Variants in CAPN9 observed in about 807,000 individuals in gnomAD.
CAPN9 encodes calpain-9.
A neutral mutation model predicts 92.8 loss-of-function variants in CAPN9; 81 were observed. The ratio of observed to expected loss-of-function variants is 0.87; its 90% CI spans 0.73 to 1.05. The LOEUF is 1.05. Among genes scored for constraint, CAPN9 ranks in the 50% least tolerant of loss-of-function variants. The pLI is 0.00. For missense variants in CAPN9, 848 were observed against 866.2 expected, an observed-to-expected ratio of 0.98 and a Z score of 0.26; for synonymous variants, 304 against 328.0, an observed-to-expected ratio of 0.93 and a Z score of 0.79.
At chr1:230,775,833 C>T (rs970616542) in intron 8 of CAPN9, among the ~76,000 whole-genome samples, 3 of 150,626 alleles carry the variant, frequency 2.0e-5, no homozygotes, top group African/African-American at 7.3e-5. Flanking sequence ...AGGAGAATGG[C>T]GTGAACCCAG....
At chr1:230,769,037 G>A (rs1412176076) in intron 5 of CAPN9, 143 bp from the exon 6 acceptor site, 2 of 665,448 alleles carry the variant, frequency 3.0e-6, no homozygotes, top group Non-Finnish European at 5.3e-6. Context: ...GGAGCCCCGT[G>A]CATAGCCCAC....
intron 8 of CAPN9, among the ~76,000 whole-genome samples, chr1:230,775,374 G>A (rs901432947): frequency 3.9e-5 from 6 of 152,264 alleles, no homozygotes; most frequent in Admixed American, 1.3e-4. Context: ...TAAAGATATC[G>A]ACCTACGTAG....
intron 19 of CAPN9, among the ~76,000 whole-genome samples, chr1:230,798,729 C>T (rs3790988): frequency 0.32 from 48,208 of 152,068 alleles, 8,036 homozygotes; most frequent in Non-Finnish European, 0.36. Flanking sequence ...AGAAGGATTC[C>T]AGGGGGTTTC....
At position 230,759,572 on chromosome 1, in the gene CAPN9, G is replaced by C; in HGVS notation, c.344G>C (p.Arg115Thr). The change falls in exon 3 of 20, where the codon AGA (arginine) becomes ACA (threonine). Residue 115 changes from arginine to threonine, a missense_variant. By Grantham distance (71) the Arg-to-Thr change is moderately conservative. Coordinates refer to ENST00000271971, the MANE Select transcript of CAPN9 (RefSeq NM_006615.3). ...SLTLNQKALARVIPQDQSFGP... is the reference protein window; with the variant it reads ...SLTLNQKALATVIPQDQSFGP... ...ACGCTTAATCAAAAAGCACTGGCCA[G>C]AGTCATCCCCCAGGACCAAAGCTTT... 1.9e-6 allele frequency: 3 copies of C among 1,611,306 alleles called. No individual in the cohort carries two copies. The highest frequency in any genetic ancestry group is 2.5e-6 in the Non-Finnish European group (3 of 1,179,064).
intron 11 of CAPN9, among the ~76,000 whole-genome samples, chr1:230,783,178 A>T (rs1055150319): frequency 6.6e-6 from 1 of 152,232 alleles, no homozygotes; most frequent in East Asian, 1.9e-4. Context: ...ATGCAACTGC[A>T]CTGTTTATGC....
intron 3 of CAPN9, among the ~76,000 whole-genome samples, 197 bp downstream of exon 3, chr1:230,759,827 CGGTGAATCCTTAT>C (rs1312646197): frequency 6.6e-6 from 1 of 152,312 alleles, no homozygotes; most frequent in Admixed American, 6.5e-5. Flanking sequence ...CGGCATTGCA[CGGTGAATCCTTAT>C]GGAGCATACA....
Position 230,772,141 on chromosome 1 carries a change from G to A in CAPN9, c.875+42G>A, listed in dbSNP as rs181303468. ...TGCCTCTCTGGCTGGTTCCCGGGGC[G>A]TGTGGGGCCAGAGCTGGCTTGTGCA... On this transcript the variant is annotated intron_variant, in intron 7 of 19. Transcript: ENST00000271971. 6.7e-5 allele frequency: 104 copies of A among 1,540,800 alleles called. 2 individuals are homozygous for A. The Admixed American group carries it at 9.0e-4, about 13-fold the overall frequency.
chr1:230,756,241 A>G (rs190073672), intron 2 of CAPN9, among the ~76,000 whole-genome samples: 23 of 152,176 alleles, frequency 1.5e-4, no homozygotes, highest in Admixed American at 1.4e-3. Context: ...AGCTATCCTA[A>G]ACACAAGATC....
At chr1:230,799,753 C>G (rs1668562141) in intron 19 of CAPN9, among the ~76,000 whole-genome samples, 1 of 152,142 alleles carries the variant, frequency 6.6e-6, no homozygotes, top group African/African-American at 2.4e-5. Context: ...TAAGAGGAAG[C>G]TGGGCATGGT....
In CAPN9 at chr1:230,791,845, C is replaced by A; in HGVS notation, c.1658-19C>A. 3 of 1,606,722 alleles carry A rather than the reference C, an allele frequency of 1.9e-6. No homozygotes were observed. Among genetic ancestry groups the A allele is most frequent in the Non-Finnish European group, 1.7e-6 (2 of 1,173,278 alleles). ...ATCTTATCGGGTCAACTGAATTCAG[C>A]TTTCATGTGCAATTTCAGAAAAGGA... On this transcript the variant is annotated intron_variant, in intron 14 of 19. Transcript: ENST00000271971.
At chr1:230,751,650 A>G (rs1664831389) in intron 1 of CAPN9, among the ~76,000 whole-genome samples, 1 of 86,328 alleles carries the variant, frequency 1.2e-5, no homozygotes, top group South Asian at 3.3e-4. Flanking sequence ...AAAGAAAGAA[A>G]GAAAGAAAGA....
At chr1:230,748,160 C>T (rs148848261) in intron 1 of CAPN9, among the ~76,000 whole-genome samples, 6 of 152,264 alleles carry the variant, frequency 3.9e-5, no homozygotes, top group South Asian at 2.1e-4. Flanking sequence ...TCTCAGCAAC[C>T]GGGTGACAGA....
At chr1:230,768,766 T>C (rs11122592) in intron 5 of CAPN9, among the ~76,000 whole-genome samples, 8,403 of 152,316 alleles carry the variant, frequency 0.055, 268 homozygotes, top group South Asian at 0.13. Context: ...GGTCTGTTTT[T>C]TGCTAATGAA....
chr1:230,747,852 T>C (rs1260720287), intron 1 of CAPN9, 143 bp downstream of exon 1: 7 of 759,998 alleles, frequency 9.2e-6, no homozygotes, highest in Middle Eastern at 3.5e-4. Flanking sequence ...CGTGGAAAGC[T>C]TTGCAGTTTG....
chr1:230,764,560 G>T (rs1327340556), intron 4 of CAPN9, among the ~76,000 whole-genome samples: 1 of 152,246 alleles, frequency 6.6e-6, no homozygotes, highest in African/African-American at 2.4e-5. Flanking sequence ...CATTGAAGGG[G>T]TTGGAGAGAA....
chr1:230,758,548 G>A (rs1665404677), intron 2 of CAPN9, among the ~76,000 whole-genome samples: 1 of 152,110 alleles, frequency 6.6e-6, no homozygotes, highest in African/African-American at 2.4e-5. Flanking sequence ...CAGAACCAGG[G>A]CGATTCGGAA....
At chr1:230,774,689 C>A in intron 8 of CAPN9, 58 bp downstream of exon 8, 1 of 1,079,480 alleles carries the variant, frequency 9.3e-7, no homozygotes. Flanking sequence ...GGCCCTGGGG[C>A]GTAAGGAGCA....
At chr1:230,763,356 A>G (rs1302501616) in intron 4 of CAPN9, among the ~76,000 whole-genome samples, 1 of 152,092 alleles carries the variant, frequency 6.6e-6, no homozygotes, top group Non-Finnish European at 1.5e-5. Context: ...GCACTTTTTC[A>G]TCTTGCAAAA....
intron 1 of CAPN9, among the ~76,000 whole-genome samples, chr1:230,753,156 C>T (rs1664959381): frequency 6.6e-6 from 1 of 152,090 alleles, no homozygotes; most frequent in Non-Finnish European, 1.5e-5. Flanking sequence ...CCAGCCACCA[C>T]GGAGATCAGA....
Sources: allele counts gnomAD v4.1 joint callset (sites outside exome capture counted in the v4.1 genomes callset), GRCh38; gene constraint gnomAD v4.1.1; transcripts MANE v1.5; gene names NCBI Gene and HGNC (gene_info 2026-07-23, HGNC 2026-07-21).